Variants in PCDH15 observed in about 807,000 individuals in gnomAD.
PCDH15 encodes protocadherin-15.
Under a neutral mutation model 178.5 loss-of-function variants are expected in PCDH15, and 129 were observed. That is an observed-to-expected ratio of 0.72 (90% confidence interval 0.63 to 0.84). The LOEUF (loss-of-function observed/expected upper bound fraction) is 0.84. Among genes scored for constraint, PCDH15 ranks in the 40% least tolerant of loss-of-function variants. PCDH15 has a pLI of 0.00. For missense variants in PCDH15, 2,230 were observed against 2,099.9 expected (o/e 1.06, Z -1.21); for synonymous variants, 800 against 732.0 (o/e 1.09, Z -1.50).
At chr10:55,364,677 CCTT>C (rs1160686886) in intron 2 of PCDH15, among the ~76,000 whole-genome samples, 1 of 151,938 alleles carries the variant, frequency 6.6e-6, no homozygotes, top group Non-Finnish European at 1.5e-5. Context: ...TAATATTTAT[CCTT>C]CTTTTCTGAG....
At chr10:55,414,773 GTGTGT>G (rs1480931692) in intron 2 of PCDH15, among the ~76,000 whole-genome samples, 4 of 12,400 alleles carry the variant, frequency 3.2e-4, no homozygotes, top group African/African-American at 1.2e-3. Flanking sequence ...AACAAGGGGT[GTGTGT>G]GTGTGTGTGT....
At chr10:54,687,361 CTT>C (rs748827836) in intron 1 of PCDH15, among the ~76,000 whole-genome samples, 74 of 152,250 alleles carry the variant, frequency 4.9e-4, no homozygotes, top group Admixed American at 1.2e-3. Context: ...TACTAGTACT[CTT>C]ATGCTCATTG....
intron 3 of PCDH15, among the ~76,000 whole-genome samples, chr10:54,477,471 C>T (rs1028755608): frequency 2.6e-5 from 4 of 152,216 alleles, no homozygotes; most frequent in Non-Finnish European, 4.4e-5. Flanking sequence ...GCGTCCATCA[C>T]CAAACAGTAA....
intron 2 of PCDH15, among the ~76,000 whole-genome samples, chr10:55,088,450 T>A (rs1842232626): frequency 6.6e-6 from 1 of 152,004 alleles, no homozygotes; most frequent in Non-Finnish European, 1.5e-5. Context: ...TTTGTATTTT[T>A]TTTAGTAAAG....
chr10:55,283,935 C>T (rs1247748859), intron 1 of PCDH15, among the ~76,000 whole-genome samples: 1 of 151,492 alleles, frequency 6.6e-6, no homozygotes, highest in African/African-American at 2.4e-5. Context: ...ACTATTTGTT[C>T]TGTAAACTAT....
At chr10:55,394,867 G>A (rs1251191487) in intron 2 of PCDH15, among the ~76,000 whole-genome samples, 2 of 151,918 alleles carry the variant, frequency 1.3e-5, no homozygotes, top group Non-Finnish European at 2.9e-5. Flanking sequence ...TGGTGTGCTG[G>A]AAATTTGATT....
intron 26 of PCDH15, among the ~76,000 whole-genome samples, chr10:53,900,049 T>A (rs2082223084): frequency 6.6e-6 from 1 of 152,212 alleles, no homozygotes; most frequent in Admixed American, 6.5e-5. Context: ...CCTTCAGTGC[T>A]AGTCTTAAAT....
chr10:54,847,650 A>T (rs1391565992), intron 3 of PCDH15, among the ~76,000 whole-genome samples: 1 of 152,198 alleles, frequency 6.6e-6, no homozygotes, highest in Non-Finnish European at 1.5e-5. Flanking sequence ...GATAACTAGC[A>T]TACTGAAATT....
intron 25 of PCDH15, among the ~76,000 whole-genome samples, chr10:53,914,798 T>A (rs2083410454): frequency 6.6e-6 from 1 of 152,136 alleles, no homozygotes; most frequent in Non-Finnish European, 1.5e-5. Flanking sequence ...TTGTTTCAAT[T>A]AAAAGCAATC....
chr10:54,346,141 CTATGAA>C (rs757642035), intron 6 of PCDH15, among the ~76,000 whole-genome samples: 14 of 152,156 alleles, frequency 9.2e-5, no homozygotes, highest in Admixed American at 2.0e-4. Context: ...CATATTATAC[CTATGAA>C]TATATTTTAA....
intron 2 of PCDH15, among the ~76,000 whole-genome samples, chr10:55,609,363 TTTA>T (rs1405375301): frequency 6.6e-5 from 10 of 152,172 alleles, no homozygotes; most frequent in Non-Finnish European, 1.3e-4. Flanking sequence ...AACCTTGGTC[TTTA>T]TGTTCATAAA....
chr10:55,535,313 T>C (rs555401682), intron 2 of PCDH15, among the ~76,000 whole-genome samples: 17 of 152,126 alleles, frequency 1.1e-4, no homozygotes, highest in Admixed American at 2.0e-4. Flanking sequence ...TGAGGAACTG[T>C]AAATTTATAG....
intron 14 of PCDH15, among the ~76,000 whole-genome samples, chr10:54,137,181 A>G (rs146218303): frequency 1.3e-5 from 2 of 151,996 alleles, no homozygotes; most frequent in East Asian, 3.9e-4. Flanking sequence ...CACTATATAA[A>G]TAACACTTTA....
chr10:54,219,446 AG>A (rs2052521996), intron 9 of PCDH15, among the ~76,000 whole-genome samples: 1 of 151,126 alleles, frequency 6.6e-6, no homozygotes, highest in Admixed American at 6.6e-5. Context: ...AAAAAAAATT[AG>A]CCAGGCTTGG....
At chr10:54,378,648 A>G (rs938418016) in intron 4 of PCDH15, 134 bp downstream of exon 4, 1 of 999,798 alleles carries the variant, frequency 1.0e-6, no homozygotes, top group Non-Finnish European at 1.5e-6. Context: ...TAAATGAGTT[A>G]AAGAAACTGT....
chr10:55,454,780 CA>C (rs10606669), intron 2 of PCDH15, among the ~76,000 whole-genome samples: 4,479 of 98,186 alleles, frequency 0.046, 85 homozygotes, highest in African/African-American at 0.07. Flanking sequence ...GACTCTGTCT[CA>C]AAAAAAAAAA....
chr10:54,762,672 A>T (rs980064244), intron 1 of PCDH15, among the ~76,000 whole-genome samples: 3 of 152,114 alleles, frequency 2.0e-5, no homozygotes, highest in Admixed American at 6.5e-5. Context: ...AACACTTATG[A>T]AATTCTTAAG....
intron 2 of PCDH15, among the ~76,000 whole-genome samples, chr10:54,586,379 A>C (rs1030603873): frequency 1.6e-4 from 25 of 152,268 alleles, no homozygotes; most frequent in African/African-American, 5.8e-4. Context: ...GAGGTTTATT[A>C]GTCTGGTGGA....
intron 2 of PCDH15, among the ~76,000 whole-genome samples, chr10:55,011,769 A>G (rs1041461968): frequency 3.9e-5 from 6 of 152,200 alleles, no homozygotes; most frequent in African/African-American, 1.2e-4. Flanking sequence ...AGAAAATTTT[A>G]AACATCGAAA....
Sources: gnomAD v4.1 joint callset for allele counts (sites outside exome capture counted in the v4.1 genomes callset) on GRCh38, gnomAD v4.1.1 for gene constraint, MANE v1.5 for transcripts, NCBI Gene and HGNC (gene_info 2026-07-23, HGNC 2026-07-21) for gene names.